UNC13C: variants seen among roughly 807,000 people sequenced by gnomAD.
The protein encoded by UNC13C is unc-13 homolog C.
A neutral mutation model predicts 245.4 loss-of-function variants in UNC13C; 174 were observed. That is an observed-to-expected ratio of 0.71 (90% CI 0.63 to 0.80). The LOEUF is 0.80. Ranked by LOEUF, UNC13C falls within the 30% of genes least tolerant of loss-of-function variation. The probability of loss-of-function intolerance (pLI) is 0.00; values close to 1 mark genes in which losing one functional copy is unlikely to be tolerated. For synonymous variants in UNC13C, 992 were observed against 895.1 expected, an observed-to-expected ratio of 1.11 and a Z score of -1.93; for missense variants, 2,829 against 2,602.9, an observed-to-expected ratio of 1.09 and a Z score of -1.89.
rs2036528713 is a variant in UNC13C, at chr15:54,265,433, A to G, written c.3755A>G (p.Asn1252Ser). The change falls in exon 10 of 33, where the codon AAC becomes AGC. Residue 1252 changes from asparagine (N) to serine (S), a missense_variant. Asn to Ser is a conservative substitution (Grantham distance 46). Transcript: ENST00000260323. ...DPYVTVQVGKNKRRTKTIFGN... is the reference protein window; with the variant it reads ...DPYVTVQVGKSKRRTKTIFGN... ...TATGTTACAGTTCAAGTTGGAAAGA[A>G]CAAAAGAAGAACAAAAACCATTTTT... 4 of 1,577,502 alleles carry G rather than the reference A, an allele frequency of 2.5e-6. No individual in the cohort carries two copies. Among genetic ancestry groups the G allele is most frequent in the Non-Finnish European group, 2.6e-6 (3 of 1,159,112 alleles).
intron 17 of UNC13C, among the ~76,000 whole-genome samples, chr15:54,370,336 C>T (rs2039461433): frequency 6.6e-6 from 1 of 152,088 alleles, no homozygotes; most frequent in South Asian, 2.1e-4. Flanking sequence ...CCCTGAGATA[C>T]ATTTTGGAAT....
the UNC13C span, among the ~76,000 whole-genome samples, chr15:53,917,146 A>T: frequency 6.6e-6 from 1 of 152,224 alleles, no homozygotes; most frequent in South Asian, 2.1e-4. Flanking sequence ...TTTGTGAAAT[A>T]ATCTTGTTCT....
At chr15:54,086,820 C>G (rs1359321271) in intron 2 of UNC13C, among the ~76,000 whole-genome samples, 1 of 143,630 alleles carries the variant, frequency 7.0e-6, no homozygotes, top group East Asian at 2.1e-4. Context: ...ACTGCAGCCT[C>G]CGCCCTCCAA....
the UNC13C span, among the ~76,000 whole-genome samples, chr15:53,849,304 T>C: frequency 1.3e-5 from 2 of 152,020 alleles, no homozygotes; most frequent in Non-Finnish European, 2.9e-5. Flanking sequence ...TTCCTTCCTT[T>C]GGAGCAAGCA....
intron 21 of UNC13C, 44 bp from the exon 22 acceptor site, chr15:54,500,791 C>G: frequency 6.4e-7 from 1 of 1,563,142 alleles, no homozygotes; most frequent in South Asian, 1.2e-5. Context: ...TCCATTCCGC[C>G]TCTAATGTAC....
chr15:53,865,202 T>A, the UNC13C span, among the ~76,000 whole-genome samples: 1 of 152,342 alleles, frequency 6.6e-6, no homozygotes, highest in East Asian at 1.9e-4. Flanking sequence ...GTGTGACTGA[T>A]GAATAGCAAA....
At chr15:53,999,730 G>A (rs1301501062) in intron 1 of UNC13C, among the ~76,000 whole-genome samples, 5 of 151,768 alleles carry the variant, frequency 3.3e-5, no homozygotes, top group Non-Finnish European at 7.4e-5. Flanking sequence ...ATACATTTTG[G>A]TATGTTGTTT....
chr15:54,255,760 C>A (rs1223583172), intron 8 of UNC13C, among the ~76,000 whole-genome samples: 1 of 152,128 alleles, frequency 6.6e-6, no homozygotes, highest in African/African-American at 2.4e-5. Flanking sequence ...AGGCGTGGAG[C>A]CCTAGCCAGA....
At chr15:53,848,544 T>C in the UNC13C span, among the ~76,000 whole-genome samples, 4 of 152,174 alleles carry the variant, frequency 2.6e-5, no homozygotes, top group Non-Finnish European at 4.4e-5. Context: ...GATAAGCACA[T>C]GGTGTCTACT....
the UNC13C span, among the ~76,000 whole-genome samples, chr15:53,916,485 C>G: frequency 0.68 from 102,685 of 152,076 alleles, 34,723 homozygotes; most frequent in South Asian, 0.73. Flanking sequence ...CCCTGAGAAA[C>G]AAACCAGAGA....
At chr15:54,130,241 T>C (rs1290041368) in intron 2 of UNC13C, among the ~76,000 whole-genome samples, 2 of 151,824 alleles carry the variant, frequency 1.3e-5, no homozygotes, top group Non-Finnish European at 2.9e-5. Context: ...CTTTTTGATA[T>C]TCTGTGGAAT....
intron 1 of UNC13C, among the ~76,000 whole-genome samples, chr15:54,008,839 C>G (rs1317649603): frequency 3.9e-5 from 6 of 152,112 alleles, no homozygotes; most frequent in Non-Finnish European, 8.8e-5. Context: ...ACCAAACTAC[C>G]TTTTTGCTTT....
chr15:54,548,958 C>T (rs929297614), intron 27 of UNC13C, among the ~76,000 whole-genome samples: 6 of 152,100 alleles, frequency 3.9e-5, no homozygotes, highest in Non-Finnish European at 7.4e-5. Context: ...ATACACACTC[C>T]GATAAAACAT....
At chr15:54,028,386 CGTCTCT>C (rs1460486584) in intron 2 of UNC13C, among the ~76,000 whole-genome samples, 1 of 152,134 alleles carries the variant, frequency 6.6e-6, no homozygotes, top group Non-Finnish European at 1.5e-5. Flanking sequence ...AACTAGTCTC[CGTCTCT>C]ATTTCTTTCC....
intron 10 of UNC13C, among the ~76,000 whole-genome samples, chr15:54,267,232 A>C (rs1244577056): frequency 6.9e-6 from 1 of 144,864 alleles, no homozygotes; most frequent in Non-Finnish European, 1.5e-5. Context: ...ACGTATTCGG[A>C]ATATGTTTAT....
the UNC13C span, among the ~76,000 whole-genome samples, chr15:53,949,695 A>G: frequency 6.6e-6 from 1 of 152,178 alleles, no homozygotes; most frequent in Admixed American, 6.5e-5. Flanking sequence ...TCAAAGTATC[A>G]TCCCAGGACT....
At chr15:54,403,958 C>T (rs2040241244) in intron 18 of UNC13C, among the ~76,000 whole-genome samples, 1 of 152,038 alleles carries the variant, frequency 6.6e-6, no homozygotes, top group Non-Finnish European at 1.5e-5. Context: ...GTAAGGATGG[C>T]TTGTAATTTA....
intron 2 of UNC13C, among the ~76,000 whole-genome samples, chr15:54,068,355 C>G (rs1595802025): frequency 6.6e-6 from 1 of 152,172 alleles, no homozygotes; most frequent in Non-Finnish European, 1.5e-5. Flanking sequence ...GCTAGAACTT[C>G]CTTCTCCTGA....
chr15:54,079,518 C>A (rs2141114931), intron 2 of UNC13C, among the ~76,000 whole-genome samples: 1 of 151,848 alleles, frequency 6.6e-6, no homozygotes, highest in East Asian at 1.9e-4. Flanking sequence ...TGGTAACGGT[C>A]TTTTACCTCT....
Sources: gnomAD v4.1 joint callset for allele counts (sites outside exome capture counted in the v4.1 genomes callset) on GRCh38, gnomAD v4.1.1 for gene constraint, MANE v1.5 for transcripts, NCBI Gene and HGNC (gene_info 2026-07-23, HGNC 2026-07-21) for gene names.